Variants in RERE observed in about 807,000 individuals in gnomAD.
RERE encodes the protein arginine-glutamic acid dipeptide repeats.
A neutral mutation model predicts 146.1 loss-of-function variants in RERE; 40 were observed. That is an observed-to-expected ratio of 0.27 (90% CI 0.21 to 0.36). RERE has a LOEUF of 0.36. Among genes scored for constraint, RERE ranks in the 10% least tolerant of loss-of-function variants. The probability of loss-of-function intolerance (pLI) is 1.00; values close to 1 mark genes in which losing one functional copy is unlikely to be tolerated. For missense variants in RERE, 1,933 were observed against 2,138.7 expected (o/e 0.90, Z 1.90); for synonymous variants, 1,003 against 866.0 (o/e 1.16, Z -2.78).
intron 1 of RERE, among the ~76,000 whole-genome samples, chr1:8,683,226 C>G (rs1167113332): frequency 6.6e-6 from 1 of 152,052 alleles, no homozygotes; most frequent in Non-Finnish European, 1.5e-5. Context: ...GCCAAGCCAT[C>G]CTCCTAGGAA....
At chr1:8,801,273 CT>C (rs35607084) in intron 1 of RERE, among the ~76,000 whole-genome samples, 104,089 of 146,950 alleles carry the variant, frequency 0.71, 38,352 homozygotes, top group African/African-American at 0.92. Flanking sequence ...AAAAATTGTT[CT>C]TTTTTTTTTT....
chr1:8,730,350 TTTTTGTTTTTGA>T (rs1640055454), intron 1 of RERE, among the ~76,000 whole-genome samples: 1 of 152,144 alleles, frequency 6.6e-6, no homozygotes, highest in African/African-American at 2.4e-5. Flanking sequence ...TTTGTTTTTG[TTTTTGTTTTTGA>T]GACAGAGTCT....
rs1645564651 is a variant in RERE at position 8,525,921 on chromosome 1, T to TTGTGC, written c.830+15288_830+15292dup. The TTGTGC allele has an allele frequency of 4.3e-6, 6 of 1,392,784 alleles. 1 individual carries two copies. The South Asian group carries it at 9.9e-5, about 23-fold the overall frequency. The allele number at this position is 1,392,784 out of a possible 1,614,324, so 86.3% of individuals were successfully genotyped here. ...AGACCTCATAGAGCTTTCACTGAGC[T>TTGTGC]TGTGCTATGACCTAAGCCTTCACGC... On this transcript the variant is annotated intron_variant, in intron 7 of 22. Coordinates refer to ENST00000400908, the MANE Select transcript of RERE (RefSeq NM_001042681.2).
At chr1:8,617,535 C>A (rs559755961) in intron 3 of RERE, among the ~76,000 whole-genome samples, 2 of 152,244 alleles carry the variant, frequency 1.3e-5, no homozygotes, top group African/African-American at 4.8e-5. Context: ...AAAGGTGTAA[C>A]TGGGTGATAC....
chr1:8,403,986 A>AC (rs906866860), intron 12 of RERE, among the ~76,000 whole-genome samples: 1 of 151,406 alleles, frequency 6.6e-6, no homozygotes, highest in Non-Finnish European at 1.5e-5. Context: ...ACGCGTCACC[A>AC]CGTCCAGCTA....
chr1:8,719,349 GATGAAATAAAGTAATC>G (rs1639819681), intron 1 of RERE, among the ~76,000 whole-genome samples: 1 of 152,132 alleles, frequency 6.6e-6, no homozygotes, highest in Non-Finnish European at 1.5e-5. Context: ...CAATGATTTT[GATGAAATAAAGTAATC>G]CACCCCTAAA....
At chr1:8,394,823 G>A (rs2124431031) in intron 12 of RERE, among the ~76,000 whole-genome samples, 1 of 152,138 alleles carries the variant, frequency 6.6e-6, no homozygotes, top group East Asian at 1.9e-4. Flanking sequence ...TCTCCATGAA[G>A]CACTTACCAC....
chr1:8,620,143 T>C (rs1646900357), intron 3 of RERE, among the ~76,000 whole-genome samples: 2 of 152,194 alleles, frequency 1.3e-5, no homozygotes, highest in South Asian at 2.1e-4. Context: ...ATAAAAGCTA[T>C]GGGAGGGCAG....
At chr1:8,808,427 C>G (rs1641730898) in intron 1 of RERE, among the ~76,000 whole-genome samples, 1 of 152,116 alleles carries the variant, frequency 6.6e-6, no homozygotes, top group Non-Finnish European at 1.5e-5. Flanking sequence ...AGCTAGATCT[C>G]TAGATGACAA....
rs140914406 is a variant in RERE at position 8,359,800 on chromosome 1, C to T, written c.3582G>A (p.Arg1194=). The change falls in exon 19 of 23, where the codon CGG becomes CGA. Residue 1194 remains arginine, a synonymous_variant. Transcript: ENST00000400908. ...REKEKEKERE[R]EREREREAER... ...CTGCCTCGCGCTCCCGCTCTCGCTC[C>T]CGCTCCCGCTCCTTCTCCTTCTCCT... 2.2e-4 allele frequency: 348 copies of T among 1,601,180 alleles called. No homozygotes were observed. Among genetic ancestry groups the T allele is most frequent in the Non-Finnish European group, 2.9e-4 (336 of 1,177,278 alleles).
chr1:8,600,100 G>A (rs1264540111), intron 4 of RERE, among the ~76,000 whole-genome samples: 3 of 152,142 alleles, frequency 2.0e-5, no homozygotes, highest in African/African-American at 7.2e-5. Flanking sequence ...ACATCTGATG[G>A]TTTCATAAAT....
chr1:8,558,222 A>G (rs1646029832), intron 4 of RERE, among the ~76,000 whole-genome samples: 1 of 152,216 alleles, frequency 6.6e-6, no homozygotes, highest in South Asian at 2.1e-4. Flanking sequence ...TGATCCTGTA[A>G]ATGTTTGTAG....
At chr1:8,651,594 C>T (rs759126710) in intron 2 of RERE, among the ~76,000 whole-genome samples, 10 of 152,076 alleles carry the variant, frequency 6.6e-5, no homozygotes, top group Non-Finnish European at 1.0e-4. Context: ...GGTGCAGTGG[C>T]TTAGGCCTAT....
intron 12 of RERE, among the ~76,000 whole-genome samples, chr1:8,386,527 A>C (rs1570113957): frequency 6.6e-6 from 1 of 151,488 alleles, no homozygotes; most frequent in African/African-American, 2.4e-5. Flanking sequence ...TCCTTTCTGA[A>C]GGCAGTGAAC....
At chr1:8,496,104 A>G (rs1245605901) in intron 9 of RERE, among the ~76,000 whole-genome samples, 1 of 150,580 alleles carries the variant, frequency 6.6e-6, no homozygotes, top group Non-Finnish European at 1.5e-5. Context: ...TTAAGGCTGT[A>G]ATGAGTCATG....
chr1:8,511,339 T>G (rs771178556), intron 7 of RERE, among the ~76,000 whole-genome samples: 4 of 152,066 alleles, frequency 2.6e-5, no homozygotes, highest in Non-Finnish European at 5.9e-5. Context: ...CAAGATAAAA[T>G]AAGGAAACTT....
intron 8 of RERE, among the ~76,000 whole-genome samples, chr1:8,506,696 T>C (rs1032859999): frequency 6.6e-6 from 1 of 152,206 alleles, no homozygotes; most frequent in South Asian, 2.1e-4. Context: ...ACCCAATCCA[T>C]GGCAACAATA....
chr1:8,362,487 T>C (rs1324445580), intron 16 of RERE, among the ~76,000 whole-genome samples, 196 bp downstream of exon 16: 1 of 152,030 alleles, frequency 6.6e-6, no homozygotes, highest in African/African-American at 2.4e-5. Flanking sequence ...CCCCCAAGAG[T>C]TGGTGCTCGA....
chr1:8,623,245 G>C (rs1313470772), intron 3 of RERE, among the ~76,000 whole-genome samples: 1 of 152,116 alleles, frequency 6.6e-6, no homozygotes, highest in Non-Finnish European at 1.5e-5. Flanking sequence ...TCAGAAGTTG[G>C]AGACCAGCCT....
Sources: allele counts gnomAD v4.1 joint callset (sites outside exome capture counted in the v4.1 genomes callset), GRCh38; gene constraint gnomAD v4.1.1; transcripts MANE v1.5; gene names NCBI Gene and HGNC (gene_info 2026-07-23, HGNC 2026-07-21).